BMAL2: variants seen among roughly 807,000 people sequenced by gnomAD.
BMAL2 encodes basic helix-loop-helix ARNT like 2.
chr12:27,376,577 T>C, the BMAL2 span, among the ~76,000 whole-genome samples: 1 of 152,236 alleles, frequency 6.6e-6, no homozygotes, highest in Non-Finnish European at 1.5e-5. Context: ...GATAACATTT[T>C]GGCTTTCATG....
the BMAL2 span, among the ~76,000 whole-genome samples, chr12:27,384,901 A>G: frequency 2.0e-5 from 3 of 152,210 alleles, no homozygotes; most frequent in Non-Finnish European, 4.4e-5. Flanking sequence ...TTTCATGTAC[A>G]TTTTATTATA....
At chr12:27,367,693 C>T in the BMAL2 span, among the ~76,000 whole-genome samples, 1 of 151,856 alleles carries the variant, frequency 6.6e-6, no homozygotes, top group Non-Finnish European at 1.5e-5. Context: ...TTAATTAATA[C>T]TTGAGTGTAC....
chr12:27,358,040 A>G, the BMAL2 span, among the ~76,000 whole-genome samples: 6 of 151,864 alleles, frequency 4.0e-5, no homozygotes, highest in Non-Finnish European at 7.4e-5. Flanking sequence ...TATTTATTTT[A>G]TAAATAGATG....
the BMAL2 span, chr12:27,389,319 T>A: frequency 1.4e-6 from 2 of 1,447,316 alleles, no homozygotes; most frequent in South Asian, 1.2e-5. Context: ...TTCCGCATGC[T>A]TATTATTTTA....
chr12:27,407,887 T>C, the BMAL2 span, among the ~76,000 whole-genome samples: 4 of 151,554 alleles, frequency 2.6e-5, no homozygotes. Context: ...ATCAAATAGA[T>C]GCAATAAAAA....
chr12:27,358,511 A>G, the BMAL2 span, among the ~76,000 whole-genome samples: 3 of 152,174 alleles, frequency 2.0e-5, no homozygotes, highest in African/African-American at 7.2e-5. Flanking sequence ...CTGTATTTAT[A>G]AAATTCATAA....
At chr12:27,339,867 T>C in the BMAL2 span, among the ~76,000 whole-genome samples, 3 of 152,244 alleles carry the variant, frequency 2.0e-5, no homozygotes, top group African/African-American at 7.2e-5. Flanking sequence ...TTGAGCTTTT[T>C]TTTTAATATG....
At chr12:27,336,474 G>C in the BMAL2 span, among the ~76,000 whole-genome samples, 2 of 152,122 alleles carry the variant, frequency 1.3e-5, no homozygotes, top group African/African-American at 4.8e-5. Flanking sequence ...GTAGTAGCGT[G>C]TAGTATTTCT....
the BMAL2 span, chr12:27,422,335 C>T: frequency 6.6e-6 from 1 of 152,144 alleles, no homozygotes; most frequent in Non-Finnish European, 1.5e-5. Context: ...AGAAAATTTC[C>T]CTCAGAGCCC....
the BMAL2 span, chr12:27,421,014 A>G: frequency 6.5e-6 from 1 of 153,282 alleles, no homozygotes; most frequent in Non-Finnish European, 1.5e-5. Flanking sequence ...GTACTTGAAC[A>G]TTTAAAGGGA....
At chr12:27,412,598 C>A in the BMAL2 span, among the ~76,000 whole-genome samples, 5 of 151,928 alleles carry the variant, frequency 3.3e-5, no homozygotes, top group Admixed American at 3.3e-4. Context: ...GAAGAAAGCC[C>A]ATAGGACTTA....
chr12:27,379,149 G>C, the BMAL2 span, among the ~76,000 whole-genome samples: 1 of 152,124 alleles, frequency 6.6e-6, no homozygotes, highest in African/African-American at 2.4e-5. Flanking sequence ...GTCTAGTTGT[G>C]TTACCTACCA....
the BMAL2 span, among the ~76,000 whole-genome samples, chr12:27,345,383 T>C: frequency 6.6e-6 from 1 of 152,234 alleles, no homozygotes; most frequent in African/African-American, 2.4e-5. Flanking sequence ...TTATTTTCTT[T>C]TATTTAAACT....
chr12:27,342,172 A>G, the BMAL2 span, among the ~76,000 whole-genome samples: 1 of 152,194 alleles, frequency 6.6e-6, no homozygotes, highest in Non-Finnish European at 1.5e-5. Flanking sequence ...TCCAAGCCTC[A>G]AGTGATCTGC....
At chr12:27,375,552 A>G in the BMAL2 span, among the ~76,000 whole-genome samples, 2 of 152,196 alleles carry the variant, frequency 1.3e-5, no homozygotes, top group African/African-American at 4.8e-5. Context: ...CTAAATAATC[A>G]TTGTATGTAT....
chr12:27,348,950 G>C, the BMAL2 span, among the ~76,000 whole-genome samples: 1 of 152,196 alleles, frequency 6.6e-6, no homozygotes, highest in African/African-American at 2.4e-5. Context: ...GGCCCCAGTA[G>C]GGTGGGAGAT....
chr12:27,399,176 T>C, the BMAL2 span, among the ~76,000 whole-genome samples: 43 of 152,358 alleles, frequency 2.8e-4, no homozygotes, highest in African/African-American at 1.0e-3. Flanking sequence ...CAACCTGCCC[T>C]CTGTTCCCTG....
chr12:27,415,225 T>C, the BMAL2 span, among the ~76,000 whole-genome samples: 1 of 152,218 alleles, frequency 6.6e-6, no homozygotes, highest in South Asian at 2.1e-4. Context: ...TTTTAGGTGC[T>C]GTCAACATAC....
the BMAL2 span, among the ~76,000 whole-genome samples, chr12:27,348,665 A>G: frequency 6.6e-6 from 1 of 152,198 alleles, no homozygotes; most frequent in Admixed American, 6.5e-5. Context: ...TCATAAATTC[A>G]TGACAGTAAA....
Sources: gnomAD v4.1 joint callset for allele counts (sites outside exome capture counted in the v4.1 genomes callset) on GRCh38, gnomAD v4.1.1 for gene constraint, MANE v1.5 for transcripts, NCBI Gene and HGNC (gene_info 2026-07-23, HGNC 2026-07-21) for gene names.